CACNB4: variants seen among roughly 807,000 people sequenced by gnomAD.
The protein encoded by CACNB4 is voltage-dependent L-type calcium channel subunit beta-4.
Under a neutral mutation model 71.2 loss-of-function variants are expected in CACNB4, and 32 were observed. The observed-to-expected ratio is 0.45, with a 90% CI of 0.34 to 0.60. The LOEUF (loss-of-function observed/expected upper bound fraction) is 0.60, where lower values mean the gene tolerates loss of function less well. CACNB4 is among the 20% of genes least tolerant of loss of function. CACNB4 has a pLI of 0.01. For synonymous variants in CACNB4, 231 were observed against 236.9 expected, an observed-to-expected ratio of 0.97 and a Z score of 0.23; for missense variants, 464 against 647.9, an observed-to-expected ratio of 0.72 and a Z score of 3.08.
At chr2:151,887,336 C>T (rs2099849611) in intron 2 of CACNB4, among the ~76,000 whole-genome samples, 1 of 151,976 alleles carries the variant, frequency 6.6e-6, no homozygotes, top group South Asian at 2.1e-4. Context: ...GCAGACACCT[C>T]TGCAAGTCAT....
rs181904663 is a variant in CACNB4 at position 152,027,106 on chromosome 2, T to C, written c.147+71224A>G. ...ATTTTTAGTAGAGACAGGGTCCACG[T>C]TGGCCAGGCTGGTCTCAAACTCCTG... On this transcript the variant is annotated intron_variant, in intron 2 of 13. Coordinates refer to ENST00000539935, the MANE Select transcript of CACNB4 (RefSeq NM_000726.5). Among the ~76,000 whole-genome samples the C allele has an allele frequency of 2.8e-3, 430 of 152,232 alleles. 2 individuals carry two copies. Among genetic ancestry groups the C allele is most frequent in the Non-Finnish European group, 5.2e-3 (351 of 68,006 alleles).
chr2:152,006,750 G>A (rs756187722), intron 2 of CACNB4, among the ~76,000 whole-genome samples: 6 of 152,104 alleles, frequency 3.9e-5, no homozygotes, highest in East Asian at 1.9e-4. Flanking sequence ...TGGTAGTCAC[G>A]TTTCATTCAT....
chr2:152,058,485 A>G (rs1436867042), intron 2 of CACNB4, among the ~76,000 whole-genome samples: 3 of 152,190 alleles, frequency 2.0e-5, no homozygotes, highest in Non-Finnish European at 2.9e-5. Flanking sequence ...TCACATGAAG[A>G]TGAAGAATTT....
At chr2:151,870,338 T>C (rs1396258212) in intron 8 of CACNB4, 193 bp downstream of exon 8, 3 of 704,664 alleles carry the variant, frequency 4.3e-6, no homozygotes, top group African/African-American at 1.7e-5. Context: ...ACATAAAAGA[T>C]GAGAAGTGTG....
chr2:152,095,761 C>G (rs1688230597), intron 2 of CACNB4, among the ~76,000 whole-genome samples: 1 of 152,184 alleles, frequency 6.6e-6, no homozygotes, highest in African/African-American at 2.4e-5. Context: ...AAAAAATTCT[C>G]CTGCCTCAGC....
chr2:151,946,534 T>C (rs1226398423), intron 2 of CACNB4, among the ~76,000 whole-genome samples: 1 of 152,178 alleles, frequency 6.6e-6, no homozygotes, highest in East Asian at 1.9e-4. Flanking sequence ...TGGATGCACT[T>C]TAAACCATTA....
chr2:152,042,607 A>G (rs1684932559), intron 2 of CACNB4, among the ~76,000 whole-genome samples: 1 of 152,232 alleles, frequency 6.6e-6, no homozygotes, highest in South Asian at 2.1e-4. Context: ...GCAGATAATC[A>G]TTTTAAAAAA....
intron 2 of CACNB4, among the ~76,000 whole-genome samples, chr2:152,035,964 C>G (rs918577689): frequency 6.6e-6 from 1 of 152,028 alleles, no homozygotes; most frequent in African/African-American, 2.4e-5. Flanking sequence ...CAAAATGTGG[C>G]GTATGCAGAC....
chr2:151,935,177 C>T (rs1053807359), intron 2 of CACNB4, among the ~76,000 whole-genome samples: 1 of 152,216 alleles, frequency 6.6e-6, no homozygotes, highest in East Asian at 1.9e-4. Context: ...TAGTATTATA[C>T]AGCTTCAAAC....
intron 2 of CACNB4, among the ~76,000 whole-genome samples, chr2:152,062,796 G>A (rs1032762386): frequency 6.6e-6 from 1 of 152,214 alleles, no homozygotes; most frequent in African/African-American, 2.4e-5. Flanking sequence ...GCTTTGCACA[G>A]ACCTGTGTAA....
At chr2:151,920,888 T>C (rs62175716) in intron 2 of CACNB4, among the ~76,000 whole-genome samples, 3,611 of 152,126 alleles carry the variant, frequency 0.024, 49 homozygotes, top group South Asian at 0.048. Flanking sequence ...CCTGTAATCC[T>C]AGCACTTTGG....
At chr2:152,014,111 G>A (rs1683210702) in intron 2 of CACNB4, among the ~76,000 whole-genome samples, 1 of 152,210 alleles carries the variant, frequency 6.6e-6, no homozygotes, top group Non-Finnish European at 1.5e-5. Flanking sequence ...GGGAGACCGA[G>A]GCAGGAGGAT....
chr2:151,953,696 T>C (rs2099867500), intron 2 of CACNB4, among the ~76,000 whole-genome samples: 1 of 152,204 alleles, frequency 6.6e-6, no homozygotes, highest in African/African-American at 2.4e-5. Flanking sequence ...TGGTTTCAAA[T>C]GCACAGATCT....
At chr2:152,063,539 C>T (rs1686133717) in intron 2 of CACNB4, among the ~76,000 whole-genome samples, 2 of 152,312 alleles carry the variant, frequency 1.3e-5, no homozygotes, top group South Asian at 2.1e-4. Flanking sequence ...TGCAATCAAG[C>T]TCCTGGGGTT....
In CACNB4 at chr2:151,928,755, T is replaced by C. The variant is rs986649827; in HGVS notation, c.148-45385A>G. Among the ~76,000 whole-genome samples the C allele has an allele frequency of 8.6e-5, 13 of 151,924 alleles. No individual in the cohort carries two copies. In the East Asian group the frequency reaches 2.5e-3, roughly 29 times the overall value. On this transcript the variant is annotated intron_variant, in intron 2 of 13. Coordinates refer to ENST00000539935, the MANE Select transcript of CACNB4 (RefSeq NM_000726.5). ...GCCTGGGCAACATGGTGAAACCCTG[T>C]CTCTAAAAAAATACAAAAATTAGCA...
In CACNB4 at chr2:151,997,074, A is replaced by C. The variant is rs527857596; in HGVS notation, c.147+101256T>G. Among the ~76,000 whole-genome samples, 195 of 152,328 alleles carry C rather than the reference A, an allele frequency of 1.3e-3. 1 individual carries two copies. Among genetic ancestry groups the C allele is most frequent in the South Asian group, 8.9e-3 (43 of 4,828 alleles). On this transcript the variant is annotated intron_variant, in intron 2 of 13. Transcript: ENST00000539935. ...AATAAATACACCCTGTAGTGAGCTG[A>C]GTGATGACCCCACACCAAAAGATAC...
At chr2:151,929,927 A>G (rs765714699) in intron 2 of CACNB4, among the ~76,000 whole-genome samples, 116 of 152,286 alleles carry the variant, frequency 7.6e-4, no homozygotes, top group Non-Finnish European at 1.4e-3. Context: ...ATAAAAATAT[A>G]ATCTTTCCCA....
At chr2:151,869,411 T>C (rs780200673) in intron 8 of CACNB4, 176 bp from the exon 9 acceptor site, 18 of 549,910 alleles carry the variant, frequency 3.3e-5, no homozygotes, top group Non-Finnish European at 5.6e-5. Flanking sequence ...CATGTGCAAT[T>C]GCTAATTTCC....
At chr2:152,051,880 T>C (rs1255849396) in intron 2 of CACNB4, among the ~76,000 whole-genome samples, 2 of 152,230 alleles carry the variant, frequency 1.3e-5, no homozygotes, top group African/African-American at 4.8e-5. Flanking sequence ...ACTGGACTTT[T>C]CCTATAAATG....
Sources: allele counts gnomAD v4.1 joint callset (sites outside exome capture counted in the v4.1 genomes callset), GRCh38; gene constraint gnomAD v4.1.1; transcripts MANE v1.5; gene names NCBI Gene and HGNC (gene_info 2026-07-23, HGNC 2026-07-21).